The following PAK6 variants were observed in gnomAD, a reference collection of about 807,000 sequenced individuals.
PAK6 encodes the protein serine/threonine-protein kinase PAK 6.
PAK6 carries 33 observed loss-of-function variants against 60.8 expected under a neutral mutation model. That is an observed-to-expected ratio of 0.54 (90% confidence interval 0.41 to 0.73). PAK6 has a LOEUF of 0.73. Ranked by LOEUF, PAK6 falls within the 30% of genes least tolerant of loss-of-function variation. The pLI is 0.00. For synonymous variants in PAK6, 404 were observed against 378.5 expected (o/e 1.07, Z -0.78); for missense variants, 845 against 904.1 (o/e 0.93, Z 0.84).
At position 40,272,220 on chromosome 15, in the gene PAK6, G is replaced by A. The variant is rs370138478; in HGVS notation, c.859-4G>A. The A allele has an allele frequency of 8.8e-5, 141 of 1,603,362 alleles. No individual in the cohort carries two copies. In the African/African-American group the frequency reaches 1.7e-3, roughly 19 times the overall value. On this transcript the variant is annotated splice_region_variant and splice_polypyrimidine_tract_variant and intron_variant, in intron 5 of 10. Coordinates refer to ENST00000560346, the Ensembl canonical transcript of PAK6. ...TGACCCTTCCTGTTGCTTTGTCCCT[G>A]CAGCCCAACTCCTCTTTCCGACCGC...
chr15:40,261,523 C>A (rs1023716506), intron 3 of PAK6, among the ~76,000 whole-genome samples: 1 of 151,808 alleles, frequency 6.6e-6, no homozygotes, highest in Non-Finnish European at 1.5e-5. Context: ...GGCAAGACAG[C>A]GAGACTCCAT....
intron 3 of PAK6, among the ~76,000 whole-genome samples, chr15:40,263,283 C>T (rs1215695025): frequency 6.6e-6 from 1 of 152,230 alleles, no homozygotes; most frequent in African/African-American, 2.4e-5. Context: ...AATCATGTTT[C>T]AGTTTCTTGA....
chr15:40,261,194 A>G (rs1004623201), intron 3 of PAK6, among the ~76,000 whole-genome samples: 2 of 149,402 alleles, frequency 1.3e-5, no homozygotes, highest in Admixed American at 6.6e-5. Context: ...GGCCCTTTTT[A>G]AAAATTTCAT....
intron 2 of PAK6, among the ~76,000 whole-genome samples, chr15:40,242,190 C>T (rs1852768737): frequency 6.6e-6 from 1 of 152,144 alleles, no homozygotes; most frequent in Non-Finnish European, 1.5e-5. Context: ...GGACTCCAGA[C>T]AGCTGGCCTT....
exon 3 of PAK6, chr15:40,253,282 G>C (rs981585260): frequency 2.2e-6 from 1 of 455,594 alleles, no homozygotes; most frequent in African/African-American, 2.0e-5. Flanking sequence ...GGCGGAAGGC[G>C]CCGGAAGGTG....
At chr15:40,272,349 C>G in exon 6 of PAK6, 1 of 1,613,854 alleles carries the variant, frequency 6.2e-7, no homozygotes, top group Non-Finnish European at 8.5e-7. Context: ...ATACCAGCAG[C>G]CCCCAGAAGT....
chr15:40,243,060 T>C (rs2038400495), intron 2 of PAK6, among the ~76,000 whole-genome samples: 1 of 152,030 alleles, frequency 6.6e-6, no homozygotes, highest in African/African-American at 2.4e-5. Flanking sequence ...CCCAGGTGGC[T>C]TCGTCCTTTT....
chr15:40,254,532 G>A (rs11638733), intron 3 of PAK6, among the ~76,000 whole-genome samples: 35,264 of 152,110 alleles, frequency 0.23, 5,059 homozygotes, highest in Non-Finnish European at 0.34. Context: ...CATCACACAT[G>A]TTCATGTGTT....
intron 10 of PAK6, 48 bp from the exon 11 acceptor site, chr15:40,275,879 C>A (rs183121935): frequency 3.2e-4 from 503 of 1,562,556 alleles, no homozygotes; most frequent in Non-Finnish European, 3.5e-4. Context: ...CAGGTCACCC[C>A]GAAGTGACTG....
At chr15:40,264,212 C>T (rs752208983) in intron 3 of PAK6, among the ~76,000 whole-genome samples, 1 of 151,496 alleles carries the variant, frequency 6.6e-6, no homozygotes, top group Non-Finnish European at 1.5e-5. Context: ...TGGGACAAAG[C>T]TGAGTTGTAA....
At chr15:40,250,164 G>C (rs565020451) in intron 2 of PAK6, among the ~76,000 whole-genome samples, 32 of 152,342 alleles carry the variant, frequency 2.1e-4, no homozygotes, top group Non-Finnish European at 4.4e-4. Flanking sequence ...CTCCTGGGCA[G>C]GGCTGAGCTG....
chr15:40,254,677 G>A (rs866613177), intron 3 of PAK6, among the ~76,000 whole-genome samples: 5 of 152,232 alleles, frequency 3.3e-5, no homozygotes, highest in Admixed American at 2.0e-4. Context: ...ACTGGGCATT[G>A]TGGATGAGCC....
intron 10 of PAK6, among the ~76,000 whole-genome samples, chr15:40,275,280 G>GTTTTCTTTTTTTTTTTTTT (rs1448905930): frequency 8.9e-5 from 5 of 56,486 alleles, no homozygotes; most frequent in Non-Finnish European, 1.2e-4. Context: ...GTTGTTGTTG[G>GTTTTCTTTTTTTTTTTTTT]TTTTTTTTTT....
intron 10 of PAK6, among the ~76,000 whole-genome samples, chr15:40,275,284 T>TTTTTTTTTTTGTTTTTG (rs1663322909): frequency 4.0e-5 from 4 of 100,136 alleles, no homozygotes; most frequent in South Asian, 3.6e-4. Flanking sequence ...TTGTTGGTTT[T>TTTTTTTTTTTGTTTTTG]TTTTTTTTTT....
intron 9 of PAK6, 47 bp from the exon 10 acceptor site, chr15:40,274,095 A>G (rs1361448422): frequency 6.2e-7 from 1 of 1,606,708 alleles, no homozygotes; most frequent in Non-Finnish European, 8.5e-7. Flanking sequence ...GCAGCTACCA[A>G]TGGGCCAGGG....
chr15:40,274,117 G>A (rs1206860043), intron 9 of PAK6, 25 bp from the exon 10 acceptor site: 3 of 1,613,580 alleles, frequency 1.9e-6, no homozygotes, highest in Admixed American at 1.7e-5. Flanking sequence ...CTGGCCATGG[G>A]GTCAGGGACA....
chr15:40,256,733 CCTT>C (rs1464046869), intron 3 of PAK6: 1 of 152,220 alleles, frequency 6.6e-6, no homozygotes, highest in Non-Finnish European at 1.5e-5. Context: ...CTTAGTCTCT[CCTT>C]CTCTGCATAA....
chr15:40,274,474 A>AC (rs1317232273), intron 10 of PAK6, among the ~76,000 whole-genome samples, 198 bp downstream of exon 10: 1 of 152,216 alleles, frequency 6.6e-6, no homozygotes, highest in Non-Finnish European at 1.5e-5. Flanking sequence ...GTGCGCTCCG[A>AC]CAAGTCGCCT....
chr15:40,266,505 G>C lies in PAK6; in HGVS notation c.858+10G>C. On this transcript the variant is annotated intron_variant, in intron 5 of 10. Coordinates refer to ENST00000560346, the Ensembl canonical transcript of PAK6. ...TCCACCACAGAGCAAGGTAAGTCAG[G>C]AGCCTGGCCTGCAGGTGTCCACTGG... 1.3e-6 allele frequency: 2 copies of C among 1,584,972 alleles called. No individual in the cohort carries two copies. The highest frequency in any genetic ancestry group is 1.7e-6 in the Non-Finnish European group (2 of 1,165,674).
Sources: gnomAD v4.1 joint callset for allele counts (sites outside exome capture counted in the v4.1 genomes callset) on GRCh38, gnomAD v4.1.1 for gene constraint, MANE v1.5 for transcripts, NCBI Gene and HGNC (gene_info 2026-07-23, HGNC 2026-07-21) for gene names.